The following PXT1 variants were observed in gnomAD, a reference collection of about 807,000 sequenced individuals.
PXT1 encodes the protein peroxisomal testis enriched protein 1, also known as peroxisomal testis-specific protein 1.
Under a neutral mutation model 11.0 loss-of-function variants are expected in PXT1, and 11 were observed. The observed-to-expected ratio is 1.00, with a 90% CI of 0.63 to 1.66. PXT1 has a LOEUF of 1.66. Among genes scored for constraint, PXT1 ranks in the 40% most tolerant of loss-of-function variants. The pLI is 0.00. For missense variants in PXT1, 141 were observed against 155.5 expected, an observed-to-expected ratio of 0.91 and a Z score of 0.49; for synonymous variants, 43 against 51.4, an observed-to-expected ratio of 0.84 and a Z score of 0.70.
intron 3 of PXT1, 74 bp from the exon 4 acceptor site, chr6:36,400,658 TA>T: frequency 6.8e-7 from 1 of 1,465,548 alleles, no homozygotes; most frequent in Admixed American, 2.0e-5. Context: ...CACTAGTTAC[TA>T]AAAACTGTCT....
intron 3 of PXT1, among the ~76,000 whole-genome samples, chr6:36,407,306 G>A (rs938691570): frequency 3.3e-5 from 5 of 152,008 alleles, no homozygotes; most frequent in African/African-American, 9.7e-5. Context: ...ATTGTAACAG[G>A]GAAGAAATCA....
chr6:36,404,341 C>T (rs1460629147), intron 3 of PXT1, among the ~76,000 whole-genome samples: 1 of 152,120 alleles, frequency 6.6e-6, no homozygotes, highest in East Asian at 1.9e-4. Context: ...AAATTCCTAT[C>T]ACCTAGTGAC....
rs267601001 is a variant in PXT1, at chr6:36,400,463, C to T, written c.291G>A (p.Met97Ile). Residue 97 changes from methionine (M) to isoleucine (I), a missense_variant, in exon 4 of 5, where the codon ATG (methionine) becomes ATA (isoleucine). Coordinates refer to ENST00000454782, the MANE Select transcript of PXT1 (RefSeq NM_152990.4). The stretch of plus-strand genomic sequence containing the variant: ...GAAACTGAAGCCTCACCTCTCGAAC[C>T]ATCCTATGATCAATGTTGTCCCCAA... Reference protein sequence around the residue: ...RHIGDNIDHRMVREDLQQDGR... With the variant: ...RHIGDNIDHRIVREDLQQDGR... 2 of 1,613,590 alleles carry T rather than the reference C, an allele frequency of 1.2e-6. No individual in the cohort carries two copies. Among genetic ancestry groups the T allele is most frequent in the Non-Finnish European group, 1.7e-6 (2 of 1,179,726 alleles).
intron 3 of PXT1, among the ~76,000 whole-genome samples, chr6:36,402,972 G>A (rs1224586848): frequency 2.2e-5 from 3 of 139,468 alleles, no homozygotes; most frequent in Non-Finnish European, 3.1e-5. Context: ...TTTTGACACA[G>A]TTTCACTCTG....
chr6:36,416,935 A>T (rs187830779), intron 3 of PXT1, among the ~76,000 whole-genome samples: 261 of 152,358 alleles, frequency 1.7e-3, no homozygotes, highest in Non-Finnish European at 2.2e-3. Context: ...GAAGACATGG[A>T]AGTTAGTATC....
intron 3 of PXT1, among the ~76,000 whole-genome samples, chr6:36,410,788 A>G (rs889534665): frequency 3.5e-4 from 54 of 152,256 alleles, no homozygotes; most frequent in African/African-American, 1.3e-3. Context: ...CATCTCCCTA[A>G]AGCCCAGACA....
chr6:36,393,585 C>T (rs1774102289), intron 4 of PXT1: 1 of 152,136 alleles, frequency 6.6e-6, no homozygotes, highest in Non-Finnish European at 1.5e-5. Flanking sequence ...CAAAAATAGC[C>T]AGGTGTGGTG....
intron 4 of PXT1, 30 bp downstream of exon 4, chr6:36,400,424 A>G (rs1330758840): frequency 3.7e-6 from 6 of 1,610,392 alleles, no homozygotes; most frequent in Non-Finnish European, 5.1e-6. Context: ...CCTACCTGAC[A>G]GGCCCTGGCT....
At chr6:36,402,658 C>T (rs1554151712) in intron 3 of PXT1, among the ~76,000 whole-genome samples, 1 of 152,138 alleles carries the variant, frequency 6.6e-6, no homozygotes, top group Admixed American at 6.5e-5. Flanking sequence ...CAGGACATTC[C>T]AGGCAGAAGG....
Position 36,442,569 on chromosome 6 carries a change from GT to G in PXT1, c.-165del, listed in dbSNP as rs929934497. 3.9e-5 allele frequency: 6 copies of G among 152,148 alleles called. No homozygotes were observed. The highest frequency in any genetic ancestry group is 2.0e-4 in the Admixed American group (3 of 15,268). 9.4% of individuals were successfully genotyped at this position (152,148 alleles called of 1,614,324 possible). On this transcript the variant is annotated 5_prime_UTR_variant, in exon 1 of 5. Transcript: ENST00000454782. ...ACTCAGTATTTGAGAAAAATGTGGA[GT>G]TTTTCCCCCTTTCTTTTGGCCAGAA...
intron 3 of PXT1, among the ~76,000 whole-genome samples, chr6:36,405,862 G>A (rs191637850): frequency 2.3e-4 from 35 of 152,188 alleles, no homozygotes; most frequent in Non-Finnish European, 3.4e-4. Flanking sequence ...TATTCAGTAC[G>A]GTAACATGCC....
chr6:36,426,833 T>C (rs941119335), intron 2 of PXT1, among the ~76,000 whole-genome samples: 1 of 52,148 alleles, frequency 1.9e-5, no homozygotes, highest in Non-Finnish European at 3.1e-5. Flanking sequence ...TATTTCCTCA[T>C]GTGTGTGTGT....
intron 3 of PXT1, among the ~76,000 whole-genome samples, chr6:36,417,737 C>G (rs1469360434): frequency 7.1e-6 from 1 of 141,698 alleles, no homozygotes; most frequent in Non-Finnish European, 1.5e-5. Context: ...CAATGCACTC[C>G]AGCCTCGGAG....
rs544230455 is a variant in PXT1, at chr6:36,421,424, G to C, written c.169+4490C>G. ...TGCCATGAGCTATGATCGCGCCACT[G>C]CACTTCAGCCTGAGCAACTGAGTAA... On this transcript the variant is annotated intron_variant, in intron 3 of 4. Transcript: ENST00000454782. Among the ~76,000 whole-genome samples, 390 of 152,298 alleles carry C rather than the reference G, an allele frequency of 2.6e-3. 3 individuals carry two copies. Among genetic ancestry groups the C allele is most frequent in the Non-Finnish European group, 3.8e-4 (26 of 68,026 alleles).
Position 36,426,094 on chromosome 6 carries a change from G to A in PXT1, c.-9-3C>T, listed in dbSNP as rs1328941057. On this transcript the variant is annotated splice_polypyrimidine_tract_variant and splice_region_variant and intron_variant, in intron 2 of 4. Coordinates refer to ENST00000454782, the MANE Select transcript of PXT1 (RefSeq NM_152990.4). ...TGTTTTTTCTTCATGTTTTTTCCCT[G>A]TTGAAAAACATATTTTCAGAGGCTT... 6.7e-7 allele frequency: 1 copy of A among 1,486,862 alleles called. No homozygotes were observed. Among genetic ancestry groups the A allele is most frequent in the African/African-American group, 1.4e-5 (1 of 70,700 alleles). 92.1% of individuals were successfully genotyped at this position (1,486,862 alleles called of 1,614,324 possible).
intron 2 of PXT1, among the ~76,000 whole-genome samples, chr6:36,427,811 G>C (rs1013779222): frequency 6.6e-6 from 1 of 152,104 alleles, no homozygotes; most frequent in Non-Finnish European, 1.5e-5. Context: ...GCAGCCAGTG[G>C]CCACTGTACT....
chr6:36,398,617 AC>A (rs1411055201), intron 4 of PXT1, among the ~76,000 whole-genome samples: 1 of 152,228 alleles, frequency 6.6e-6, no homozygotes, highest in African/African-American at 2.4e-5. Flanking sequence ...AAGAAGCCAT[AC>A]ACAAAGTTCC....
intron 4 of PXT1, among the ~76,000 whole-genome samples, chr6:36,397,061 C>T (rs958150696): frequency 2.6e-5 from 4 of 152,158 alleles, no homozygotes; most frequent in Non-Finnish European, 5.9e-5. Context: ...CTACCCACTG[C>T]GGATCTCCTC....
intron 2 of PXT1, among the ~76,000 whole-genome samples, chr6:36,436,195 G>A (rs867938155): frequency 2.7e-5 from 4 of 150,382 alleles, no homozygotes; most frequent in South Asian, 4.2e-4. Context: ...ATAGGCAGGG[G>A]CCAAATCCTG....
Sources: allele counts gnomAD v4.1 joint callset (sites outside exome capture counted in the v4.1 genomes callset), GRCh38; gene constraint gnomAD v4.1.1; transcripts MANE v1.5; gene names NCBI Gene and HGNC (gene_info 2026-07-23, HGNC 2026-07-21).